Variants in AUTS2 observed in about 807,000 individuals in gnomAD.
AUTS2 encodes the protein autism susceptibility gene 2 protein.
Under a neutral mutation model 112.4 loss-of-function variants are expected in AUTS2, and 17 were observed. The ratio of observed to expected loss-of-function variants is 0.15; its 90% CI spans 0.10 to 0.23. The LOEUF is 0.23. AUTS2 is among the 10% of genes least tolerant of loss of function. The pLI is 1.00. For missense variants in AUTS2, 1,510 were observed against 1,701.6 expected, an observed-to-expected ratio of 0.89 and a Z score of 1.98; for synonymous variants, 751 against 702.7, an observed-to-expected ratio of 1.07 and a Z score of -1.09.
At chr7:70,312,401 C>G (rs1358594925) in intron 4 of AUTS2, among the ~76,000 whole-genome samples, 1 of 151,958 alleles carries the variant, frequency 6.6e-6, no homozygotes, top group Non-Finnish European at 1.5e-5. Context: ...GTAAAAAGAA[C>G]TTTTGCTTCC....
chr7:70,333,794 C>T (rs1790867247), intron 4 of AUTS2, among the ~76,000 whole-genome samples: 1 of 152,048 alleles, frequency 6.6e-6, no homozygotes, highest in Admixed American at 6.6e-5. Context: ...ACATCACACA[C>T]CAGGGCCTGT....
intron 1 of AUTS2, among the ~76,000 whole-genome samples, chr7:69,802,201 G>T (rs1227647583): frequency 6.6e-6 from 1 of 152,168 alleles, no homozygotes; most frequent in African/African-American, 2.4e-5. Flanking sequence ...GTATGTTAAG[G>T]GGAGAGCGTA....
chr7:69,680,316 A>C (rs1003533071), intron 1 of AUTS2, among the ~76,000 whole-genome samples: 1 of 152,222 alleles, frequency 6.6e-6, no homozygotes, highest in South Asian at 2.1e-4. Flanking sequence ...TGGCAAATAT[A>C]CTGTCTGATT....
At chr7:70,230,506 T>C (rs1811990845) in intron 4 of AUTS2, among the ~76,000 whole-genome samples, 1 of 152,234 alleles carries the variant, frequency 6.6e-6, no homozygotes, top group Admixed American at 6.5e-5. Context: ...TCTGCTTTTA[T>C]GATGGATCCA....
intron 10 of AUTS2, 60 bp downstream of exon 10, chr7:70,768,128 G>A (rs1585656316): frequency 2.7e-5 from 40 of 1,495,596 alleles, no homozygotes; most frequent in Non-Finnish European, 3.6e-5. Flanking sequence ...TTGTGCTCTT[G>A]CCACAGATCA....
intron 1 of AUTS2, among the ~76,000 whole-genome samples, chr7:69,677,742 T>G (rs1244534249): frequency 6.6e-6 from 1 of 152,212 alleles, no homozygotes; most frequent in Admixed American, 6.5e-5. Context: ...CTAGGTTAAA[T>G]GTACTAGGCC....
chr7:69,789,203 A>T (rs1223873709), intron 1 of AUTS2, among the ~76,000 whole-genome samples: 2 of 152,166 alleles, frequency 1.3e-5, no homozygotes, highest in Non-Finnish European at 2.9e-5. Flanking sequence ...GCTTGTGTGG[A>T]CAATTTCCAT....
intron 5 of AUTS2, among the ~76,000 whole-genome samples, chr7:70,664,035 G>C (rs991829138): frequency 4.6e-5 from 7 of 152,168 alleles, no homozygotes; most frequent in Admixed American, 4.6e-4. Context: ...TTGAGTTTGA[G>C]AGTAAGTAGA....
chr7:70,653,052 C>A (rs59157628), intron 5 of AUTS2, among the ~76,000 whole-genome samples: 12,799 of 151,446 alleles, frequency 0.085, 766 homozygotes, highest in African/African-American at 0.17. Flanking sequence ...CCCAGGAATT[C>A]AAGACCAGCC....
chr7:70,709,165 C>T (rs866118019), intron 6 of AUTS2, among the ~76,000 whole-genome samples: 1 of 151,896 alleles, frequency 6.6e-6, no homozygotes, highest in Non-Finnish European at 1.5e-5. Flanking sequence ...GATCCGCTCA[C>T]CTCGGCCTCC....
In AUTS2 at chr7:70,543,618, C is replaced by G. The variant is rs187646567; in HGVS notation, c.690+107837C>G. Among the ~76,000 whole-genome samples, 346 of 152,206 alleles carry G rather than the reference C, an allele frequency of 2.3e-3. 3 individuals are homozygous for G. Among genetic ancestry groups the G allele is most frequent in the Non-Finnish European group, 2.5e-3 (171 of 68,000 alleles). On this transcript the variant is annotated intron_variant, in intron 5 of 18. Transcript: ENST00000342771. The stretch of plus-strand genomic sequence containing the variant: ...ACCTAAGTTGTTGCTCCAGCCTAAG[C>G]TGGCCCACCACTACCTGACTGCAGT...
At chr7:70,739,838 G>A (rs534984880) in intron 6 of AUTS2, among the ~76,000 whole-genome samples, 131 of 150,046 alleles carry the variant, frequency 8.7e-4, no homozygotes, top group African/African-American at 2.8e-3. Flanking sequence ...TCTTCCTTAC[G>A]TTAGGCTGAA....
At chr7:70,126,452 TA>T (rs1389828185) in intron 3 of AUTS2, among the ~76,000 whole-genome samples, 1 of 152,086 alleles carries the variant, frequency 6.6e-6, no homozygotes, top group Non-Finnish European at 1.5e-5. Flanking sequence ...TTTTCTAAAT[TA>T]TATATTCCCA....
chr7:69,942,446 A>G (rs1796662171), intron 2 of AUTS2, among the ~76,000 whole-genome samples: 1 of 152,134 alleles, frequency 6.6e-6, no homozygotes, highest in Non-Finnish European at 1.5e-5. Context: ...TTTTTGGGCT[A>G]TTTTTCTTTT....
chr7:69,659,587 T>TTG, intron 1 of AUTS2, among the ~76,000 whole-genome samples: 1 of 143,258 alleles, frequency 7.0e-6, no homozygotes, highest in East Asian at 2.0e-4. Flanking sequence ...TTAGTTGTTT[T>TTG]TTTTTTTTTT....
Position 70,567,757 on chromosome 7 carries a change from C to T in AUTS2, c.691-130812C>T, listed in dbSNP as rs376424564. On this transcript the variant is annotated intron_variant, in intron 5 of 18. Transcript: ENST00000342771. The stretch of plus-strand genomic sequence containing the variant: ...AACTCATTTTCGTTCAAAGCACTTC[C>T]TGGTGATTGTTTTCCATGGACCTGG... Among the ~76,000 whole-genome samples the T allele has an allele frequency of 2.6e-5, 4 of 152,284 alleles. No individual in the cohort carries two copies. In the East Asian group the frequency reaches 5.8e-4, roughly 22 times the overall value.
At chr7:70,625,017 C>G (rs1804865112) in intron 5 of AUTS2, among the ~76,000 whole-genome samples, 1 of 152,062 alleles carries the variant, frequency 6.6e-6, no homozygotes, top group African/African-American at 2.4e-5. Context: ...CAGCCTGGCT[C>G]ATCACTGAGG....
chr7:70,535,043 A>C (rs1254317919), intron 5 of AUTS2, among the ~76,000 whole-genome samples: 1 of 152,126 alleles, frequency 6.6e-6, no homozygotes, highest in Non-Finnish European at 1.5e-5. Context: ...ATAAAAAAAA[A>C]AAAAAAAAGA....
intron 1 of AUTS2, among the ~76,000 whole-genome samples, chr7:69,694,270 TA>T (rs1462600907): frequency 6.6e-6 from 1 of 152,014 alleles, no homozygotes; most frequent in Non-Finnish European, 1.5e-5. Context: ...TCAGTGGGGG[TA>T]AGGATTAGGA....
Sources: gnomAD v4.1 joint callset for allele counts (sites outside exome capture counted in the v4.1 genomes callset) on GRCh38, gnomAD v4.1.1 for gene constraint, MANE v1.5 for transcripts, NCBI Gene and HGNC (gene_info 2026-07-23, HGNC 2026-07-21) for gene names.